Variants in SERF2 observed in about 807,000 individuals in gnomAD.
SERF2 encodes small EDRK-rich factor 2, also known as gastric cancer-related protein VRG107.
SERF2 carries 4 observed loss-of-function variants against 10.7 expected under a neutral mutation model. The observed-to-expected ratio is 0.37, with a 90% confidence interval of 0.18 to 0.86. SERF2 has a LOEUF of 0.86. Among genes scored for constraint, SERF2 ranks in the 40% least tolerant of loss-of-function variants. SERF2 has a pLI of 0.43. For missense variants in SERF2, 47 were observed against 79.1 expected, an observed-to-expected ratio of 0.59 and a Z score of 1.54; for synonymous variants, 26 against 26.0, an observed-to-expected ratio of 1.00 and a Z score of 0.01.
In SERF2 at chr15:43,792,873, G is replaced by C. The variant is rs553097591; in HGVS notation, c.8-102G>C. The C allele has an allele frequency of 4.5e-5, 38 of 840,644 alleles. 1 individual carries two copies. In the African/African-American group the frequency reaches 5.9e-4, roughly 13 times the overall value. The allele number at this position is 840,644 out of a possible 1,614,324, so 52.1% of individuals were successfully genotyped here. A position where few individuals can be genotyped will look rare whatever the true frequency, so the allele number is the denominator to read the frequency against. On this transcript the variant is annotated intron_variant, in intron 1 of 2. Transcript: ENST00000249786. ...GGGCCGTTGTCGGGGCCCGGAGATT[G>C]AAGTGGTGTTGGATCCTGCTGCTGG...
chr15:43,784,909 C>A (rs373916580), intron 1 of SERF2, among the ~76,000 whole-genome samples: 5 of 147,604 alleles, frequency 3.4e-5, no homozygotes, highest in Non-Finnish European at 7.4e-5. Flanking sequence ...CGCACCATCA[C>A]GCTTGGCTAA....
intron 2 of SERF2, among the ~76,000 whole-genome samples, chr15:43,787,086 G>A (rs900983066): frequency 3.4e-5 from 5 of 146,060 alleles, no homozygotes; most frequent in Non-Finnish European, 5.9e-5. Context: ...TGCAACCTCC[G>A]CCTCCTGGGT....
Position 43,793,222 on chromosome 15 carries a change from A to C in SERF2, c.116+139A>C, listed in dbSNP as rs374394842. 8 of 613,302 alleles carry C rather than the reference A, an allele frequency of 1.3e-5. No homozygotes were observed. In the East Asian group the frequency reaches 1.7e-4, roughly 13 times the overall value. The allele number at this position is 613,302 out of a possible 1,614,324, so 38.0% of individuals were successfully genotyped here. A position where few individuals can be genotyped will look rare whatever the true frequency, so the allele number is the denominator to read the frequency against. ...AGTGCATTGCTTCCTCTAGGGTTTT[A>C]TTTCCTCCCCACCCTCCAAATTGTT... On this transcript the variant is annotated intron_variant, in intron 2 of 2. Coordinates refer to ENST00000249786, the MANE Select transcript of SERF2 (RefSeq NM_001018108.4).
upstream of SERF2, among the ~76,000 whole-genome samples, chr15:43,790,930 T>C (rs931270023): frequency 3.5e-5 from 4 of 115,348 alleles, no homozygotes; most frequent in East Asian, 2.4e-4. Context: ...CACCCAGCTA[T>C]TTTTTTTTTT....
intron 2 of SERF2, among the ~76,000 whole-genome samples, chr15:43,787,241 A>AGCCC (rs1443074984): frequency 6.6e-6 from 1 of 151,794 alleles, no homozygotes; most frequent in African/African-American, 2.4e-5. Context: ...CCTCATGATC[A>AGCCC]GCCCGCCTCG....
At chr15:43,783,410 G>GCCCA (rs2086980196) in intron 1 of SERF2, among the ~76,000 whole-genome samples, 1 of 151,228 alleles carries the variant, frequency 6.6e-6, no homozygotes, top group African/African-American at 2.4e-5. Flanking sequence ...CAATTCTTGT[G>GCCCA]CCTCAGCCTC....
intron 1 of SERF2, among the ~76,000 whole-genome samples, chr15:43,782,696 CTT>C (rs1232443879): frequency 6.6e-6 from 1 of 152,126 alleles, no homozygotes; most frequent in East Asian, 1.9e-4. Flanking sequence ...GTCAGATACA[CTT>C]TTTCCTGGAT....
upstream of SERF2, among the ~76,000 whole-genome samples, chr15:43,791,492 C>T (rs1386301072): frequency 6.6e-6 from 1 of 152,192 alleles, no homozygotes; most frequent in East Asian, 1.9e-4. Flanking sequence ...ACCTCAGCCT[C>T]CCAAAGTGCT....
chr15:43,795,038 G>C lies in SERF2; in HGVS notation c.*1265G>C, dbSNP rs574879721. 6 of 1,612,574 alleles carry C rather than the reference G, an allele frequency of 3.7e-6. No individual in the cohort carries two copies. The highest frequency in any genetic ancestry group is 5.1e-6 in the Non-Finnish European group (6 of 1,179,978). ...TATTTGTTATCTGGGGATATGATGC[G>C]GTGGCGGCGGCGCCTCAAGATAAGG... On this transcript the variant is annotated 3_prime_UTR_variant, in exon 3 of 3. Transcript: ENST00000249786.
Position 43,793,942 on chromosome 15 carries a change from C to T in SERF2, c.*169C>T. The T allele has an allele frequency of 1.3e-6, 2 of 1,553,384 alleles. No individual in the cohort carries two copies. Among genetic ancestry groups the T allele is most frequent in the East Asian group, 2.4e-5 (1 of 41,284 alleles). On this transcript the variant is annotated 3_prime_UTR_variant, in exon 3 of 3. Transcript: ENST00000249786. The stretch of plus-strand genomic sequence containing the variant: ...TTGTGCTTCCTTCCCCTCAGGTAGC[C>T]TCTCTCCCCCTGGGCCACTCCCGGG...
chr15:43,793,232 C>T, intron 2 of SERF2, 149 bp downstream of exon 2: 2 of 606,554 alleles, frequency 3.3e-6, no homozygotes, highest in Non-Finnish European at 5.9e-6. Flanking sequence ...ATTTCCTCCC[C>T]ACCCTCCAAA....
intron 2 of SERF2, among the ~76,000 whole-genome samples, chr15:43,785,851 G>A (rs1166704311): frequency 6.6e-6 from 1 of 151,248 alleles, no homozygotes; most frequent in Non-Finnish European, 1.5e-5. Context: ...AATTACAGAT[G>A]CATGCCACCA....
Position 43,794,123 on chromosome 15 carries a change from A to C in SERF2, c.*350A>C, listed in dbSNP as rs2087144765. The C allele has an allele frequency of 1.5e-6, 1 of 677,524 alleles. No individual in the cohort carries two copies. The highest frequency in any genetic ancestry group is 2.4e-6 in the Non-Finnish European group (1 of 412,844). The allele number at this position is 677,524 out of a possible 1,614,324, so 42.0% of individuals were successfully genotyped here. ...ACTGCCCTTTCCCACCAAAAAAGGG[A>C]GAACTCTTTAGATTCAGATTGTGGG... On this transcript the variant is annotated 3_prime_UTR_variant, in exon 3 of 3. Transcript: ENST00000249786.
intron 2 of SERF2, among the ~76,000 whole-genome samples, chr15:43,787,245 C>G (rs989249932): frequency 4.6e-5 from 7 of 152,028 alleles, no homozygotes; most frequent in Non-Finnish European, 8.8e-5. Context: ...ATGATCAGCC[C>G]GCCTCGGCCT....
rs1301908010 is a variant in SERF2, at chr15:43,795,431, GGAA to G, written c.*1664_*1666del. The G allele has an allele frequency of 7.4e-6, 12 of 1,614,066 alleles. No homozygotes were observed. Among genetic ancestry groups the G allele is most frequent in the African/African-American group, 1.3e-5 (1 of 74,910 alleles). On this transcript the variant is annotated 3_prime_UTR_variant, in exon 3 of 3. Transcript: ENST00000249786. The stretch of plus-strand genomic sequence containing the variant: ...GTAACCATGACATAGAGTGAGGCAA[GGAA>G]GAAGACGAAGTGGAAGGCAGAATAG...
chr15:43,786,166 A>C (rs1333567054), intron 2 of SERF2, among the ~76,000 whole-genome samples: 1 of 151,972 alleles, frequency 6.6e-6, no homozygotes, highest in Non-Finnish European at 1.5e-5. Flanking sequence ...CTGTAATCCC[A>C]GCACTTTGGG....
At chr15:43,787,060 G>T (rs1178810537) in intron 2 of SERF2, among the ~76,000 whole-genome samples, 1 of 147,226 alleles carries the variant, frequency 6.8e-6, no homozygotes, top group African/African-American at 2.5e-5. Flanking sequence ...GTGCAGTGGC[G>T]CTCCACTCGG....
intron 1 of SERF2, among the ~76,000 whole-genome samples, chr15:43,782,228 C>A (rs2086970664): frequency 6.6e-6 from 1 of 152,078 alleles, no homozygotes; most frequent in Non-Finnish European, 1.5e-5. Flanking sequence ...CTCTCATCTG[C>A]CCCCAAAATA....
intron 1 of SERF2, 132 bp downstream of exon 1, chr15:43,792,515 TCA>T: frequency 1.3e-6 from 2 of 1,545,534 alleles, no homozygotes; most frequent in Non-Finnish European, 1.7e-6. Flanking sequence ...GTGGCCACCC[TCA>T]CACTCGGTGC....
Sources: gnomAD v4.1 joint callset for allele counts (sites outside exome capture counted in the v4.1 genomes callset) on GRCh38, gnomAD v4.1.1 for gene constraint, MANE v1.5 for transcripts, NCBI Gene and HGNC (gene_info 2026-07-23, HGNC 2026-07-21) for gene names.